The following DPH6 variants were observed in gnomAD, a reference collection of about 807,000 sequenced individuals.
DPH6 encodes the protein diphthine--ammonia ligase.
In DPH6, 33 loss-of-function variants were observed where a neutral mutation model predicts 38.2. The observed-to-expected ratio is 0.86, with a 90% confidence interval of 0.65 to 1.15. DPH6 has a LOEUF of 1.15. Ranked by LOEUF, DPH6 falls within the 50% of genes most tolerant of loss-of-function variation. The pLI, the probability that DPH6 is intolerant of heterozygous loss-of-function variation, is 0.00. For synonymous variants in DPH6, 108 were observed against 103.0 expected (o/e 1.05, Z -0.30); for missense variants, 325 against 320.0 (o/e 1.02, Z -0.12).
At chr15:35,299,587 G>A in intron 3 of DPH6, 2 of 416,334 alleles carry the variant, frequency 4.8e-6, no homozygotes, top group East Asian at 5.2e-5. Flanking sequence ...GTCAGGTAGC[G>A]CGGGCTGCTG....
At chr15:35,459,084 T>C (rs909109856) in intron 3 of DPH6, among the ~76,000 whole-genome samples, 2 of 152,230 alleles carry the variant, frequency 1.3e-5, no homozygotes, top group African/African-American at 4.8e-5. Context: ...TGTATTCAAT[T>C]TGTTTGCTAG....
chr15:35,204,358 T>G, the DPH6 span, among the ~76,000 whole-genome samples: 21 of 151,944 alleles, frequency 1.4e-4, no homozygotes, highest in Middle Eastern at 3.4e-3. Flanking sequence ...TTATTTCCCC[T>G]GTAAGCATAT....
intron 6 of DPH6, among the ~76,000 whole-genome samples, chr15:35,394,587 T>C (rs2053105603): frequency 6.6e-6 from 1 of 152,194 alleles, no homozygotes; most frequent in South Asian, 2.1e-4. Context: ...CAGCATTGCA[T>C]CATCAGTTAA....
In DPH6 at chr15:35,504,997, A is replaced by G. The variant is rs373111067; in HGVS notation, c.312+33277T>C. Among the ~76,000 whole-genome samples the G allele has an allele frequency of 2.6e-5, 4 of 152,272 alleles. No individual in the cohort carries two copies. In the East Asian group the frequency reaches 7.7e-4, roughly 29 times the overall value. ...ATATTACCAGGTATCCACATGAACC[A>G]AACAGTGAAGTGTCAACCTGAATAG... On this transcript the variant is annotated intron_variant, in intron 3 of 8. Transcript: ENST00000256538.
chr15:35,375,926 C>T (rs1171789821), intron 7 of DPH6, among the ~76,000 whole-genome samples: 2 of 152,090 alleles, frequency 1.3e-5, no homozygotes, highest in African/African-American at 4.8e-5. Flanking sequence ...CCACTGTTTA[C>T]CTCTCTTGCT....
At chr15:35,450,454 G>GT (rs1320792648) in intron 5 of DPH6, among the ~76,000 whole-genome samples, 1 of 131,764 alleles carries the variant, frequency 7.6e-6, no homozygotes, top group African/African-American at 3.0e-5. Flanking sequence ...CCTGTTATAT[G>GT]TTAAAAAAAA....
At chr15:35,167,386 T>C in the DPH6 span, among the ~76,000 whole-genome samples, 1 of 151,844 alleles carries the variant, frequency 6.6e-6, no homozygotes, top group Non-Finnish European at 1.5e-5. Flanking sequence ...ATTGAGGCTT[T>C]GAAGAGATTA....
the DPH6 span, among the ~76,000 whole-genome samples, chr15:35,167,449 G>A: frequency 6.7e-6 from 1 of 150,312 alleles, no homozygotes; most frequent in Admixed American, 6.7e-5. Context: ...AAAAAAAAAT[G>A]ACAAAATTAA....
At chr15:35,393,984 A>G (rs1325758012) in intron 6 of DPH6, among the ~76,000 whole-genome samples, 1 of 152,184 alleles carries the variant, frequency 6.6e-6, no homozygotes. Context: ...TTTATGTGGC[A>G]TATAATACCA....
At chr15:35,515,597 T>C (rs2054834766) in intron 3 of DPH6, among the ~76,000 whole-genome samples, 1 of 151,776 alleles carries the variant, frequency 6.6e-6, no homozygotes, top group Non-Finnish European at 1.5e-5. Context: ...GGCGGGCGCC[T>C]GTAGTCCCAG....
At chr15:35,408,955 T>A (rs936002186) in intron 6 of DPH6, among the ~76,000 whole-genome samples, 3 of 150,888 alleles carry the variant, frequency 2.0e-5, no homozygotes, top group Non-Finnish European at 3.0e-5. Context: ...AGAAAGGGGG[T>A]CTTTAGGATG....
At chr15:35,483,666 T>C (rs2141155459) in intron 3 of DPH6, among the ~76,000 whole-genome samples, 1 of 152,318 alleles carries the variant, frequency 6.6e-6, no homozygotes, top group African/African-American at 2.4e-5. Flanking sequence ...AAATTTAACA[T>C]ACAACCCAGC....
chr15:35,485,734 C>G (rs1311963937), intron 3 of DPH6, among the ~76,000 whole-genome samples: 1 of 152,134 alleles, frequency 6.6e-6, no homozygotes, highest in East Asian at 1.9e-4. Context: ...ACATACATTA[C>G]CTCATTTGCT....
intron 3 of DPH6, among the ~76,000 whole-genome samples, chr15:35,465,637 A>G (rs957820393): frequency 1.5e-4 from 23 of 152,304 alleles, no homozygotes; most frequent in South Asian, 2.1e-4. Flanking sequence ...ATATTGCTGG[A>G]CTAGTTAAAA....
At chr15:35,370,808 C>T (rs2052704745), downstream of DPH6, 1 of 151,508 alleles carries the variant, frequency 6.6e-6, no homozygotes, top group African/African-American at 2.4e-5. Context: ...CATAATCTTA[C>T]CATATGATCC....
chr15:35,387,603 A>C (rs1287819288), intron 6 of DPH6, among the ~76,000 whole-genome samples: 1 of 152,166 alleles, frequency 6.6e-6, no homozygotes, highest in Admixed American at 6.6e-5. Context: ...TGTTTGAAGC[A>C]ATTGTGAATG....
intron 3 of DPH6, among the ~76,000 whole-genome samples, chr15:35,241,030 A>C (rs538337394): frequency 1.8e-4 from 25 of 142,814 alleles, no homozygotes; most frequent in Middle Eastern, 3.5e-3. Context: ...ACCTCCTCCC[A>C]CAGGAGCTTG....
At chr15:35,221,217 CT>C in intron 3 of DPH6, among the ~76,000 whole-genome samples, 1 of 152,324 alleles carries the variant, frequency 6.6e-6, no homozygotes, top group African/African-American at 2.4e-5. Context: ...ACCCCTATGG[CT>C]TTGCTGGGCT....
rs193110092 is a variant in DPH6 at position 35,346,321 on chromosome 15, T to C, written n.208-15244A>G. Among the ~76,000 whole-genome samples, 43 of 152,156 alleles carry C rather than the reference T, an allele frequency of 2.8e-4. 2 individuals carry two copies. The highest frequency in any genetic ancestry group is 2.7e-3 in the Admixed American group (41 of 15,264). ...GGAAGTGTGTGAAGGTACTTAGTAA[T>C]AGATTTAACTTCTTTAATAAATATA... On this transcript the variant is annotated intron_variant and non_coding_transcript_variant, in intron 3 of 3. Transcript: ENST00000558973.
Sources: allele counts gnomAD v4.1 joint callset (sites outside exome capture counted in the v4.1 genomes callset), GRCh38; gene constraint gnomAD v4.1.1; transcripts MANE v1.5; gene names NCBI Gene and HGNC (gene_info 2026-07-23, HGNC 2026-07-21).